Variants in MYO1G observed in about 807,000 individuals in gnomAD.
The protein encoded by MYO1G is unconventional myosin-Ig.
A neutral mutation model predicts 115.3 loss-of-function variants in MYO1G; 65 were observed. That is an observed-to-expected ratio of 0.56 (90% CI 0.46 to 0.69). The LOEUF is 0.69. Ranked by LOEUF, MYO1G falls within the 30% of genes least tolerant of loss-of-function variation. The probability of loss-of-function intolerance (pLI) is 0.00; values close to 1 mark genes in which losing one functional copy is unlikely to be tolerated. For synonymous variants in MYO1G, 510 were observed against 552.6 expected, an observed-to-expected ratio of 0.92 and a Z score of 1.08; for missense variants, 1,204 against 1,393.5, an observed-to-expected ratio of 0.86 and a Z score of 2.16.
chr7:44,965,797 G>A lies in MYO1G; in HGVS notation c.2221C>T (p.Arg741Cys), dbSNP rs767004739. ...RRLRAIYTIM[R>C]WFRRHKVRAH... Reference sequence around the variant, plus strand: ...CGCACCTTGTGTCTCCGGAACCAGCGCATGATGGTGTAGATAGCCCTCAGC... The same window carrying A: ...CGCACCTTGTGTCTCCGGAACCAGCACATGATGGTGTAGATAGCCCTCAGC... The change falls in exon 17 of 22, where the codon CGC becomes TGC. Residue 741 changes from arginine to cysteine, a missense_variant. By Grantham distance (180) the Arg-to-Cys change is radical. Transcript: ENST00000258787. 16 of 1,604,352 alleles carry A rather than the reference G, an allele frequency of 1.0e-5. No individual in the cohort carries two copies. The highest frequency in any genetic ancestry group is 8.3e-5 in the Admixed American group (5 of 60,024).
chr7:44,965,834 C>G lies in MYO1G; in HGVS notation c.2184G>C (p.Trp728Cys). 6.3e-7 allele frequency: 1 copy of G among 1,599,138 alleles called. No homozygotes were observed. Among genetic ancestry groups the G allele is most frequent in the Non-Finnish European group, 8.5e-7 (1 of 1,179,752 alleles). The change falls in exon 17 of 22, where the codon TGG becomes TGC. Residue 728 changes from tryptophan (W) to cysteine (C), a missense_variant. Physicochemically the swap from Trp to Cys is radical, Grantham distance 215. Coordinates refer to ENST00000258787, the MANE Select transcript of MYO1G (RefSeq NM_033054.3). ...AGATAGCCCTCAGCCTCCGGCAGCGCCACCTCGCCAAGGTGCCCCGCCATG... is the reference window on the plus strand; with the variant it reads ...AGATAGCCCTCAGCCTCCGGCAGCGGCACCTCGCCAAGGTGCCCCGCCATG... ...QKAWRGTLARWRCRRLRAIYT... is the reference protein window; with the variant it reads ...QKAWRGTLARCRCRRLRAIYT...
rs764177255 is a variant in MYO1G, at chr7:44,964,835, A to G, written c.2526+110T>C. On this transcript the variant is annotated intron_variant, in intron 18 of 21. Coordinates refer to ENST00000258787, the MANE Select transcript of MYO1G (RefSeq NM_033054.3). This position sits in a 1 kb window ranked among gnomAD's most constrained non-coding sequence, Gnocchi z 5.1. Reference sequence around the variant, plus strand: ...AGGTACAGGGCCACCAGGACAGACAACCCCAGGCCTGGGAGAGGACATCTG... The same window carrying G: ...AGGTACAGGGCCACCAGGACAGACAGCCCCAGGCCTGGGAGAGGACATCTG... 3 of 1,463,636 alleles carry G rather than the reference A, an allele frequency of 2.0e-6. No homozygotes were observed. The highest frequency in any genetic ancestry group is 2.8e-6 in the Non-Finnish European group (3 of 1,085,070). The allele number at this position is 1,463,636 out of a possible 1,614,324, so 90.7% of individuals were successfully genotyped here.
chr7:44,970,808 C>G, intron 8 of MYO1G, 27 bp downstream of exon 8: 4 of 1,613,548 alleles, frequency 2.5e-6, no homozygotes, highest in Non-Finnish European at 3.4e-6. Context: ...TCCTGGGCTT[C>G]CCTCCCTGTG....
In MYO1G at chr7:44,964,237, A is replaced by G; in HGVS notation, c.2632-75T>C. ...AGGGCCCCAGGCTTCGGCAGTCCCT[A>G]CTGCCTCCCCTCCCCGCTGGCGACA... On this transcript the variant is annotated intron_variant, in intron 19 of 21. Transcript: ENST00000258787. The surrounding 1 kb of genome is among the most constrained non-coding windows in gnomAD (Gnocchi z 5.1). 1 of 1,391,748 alleles carries G rather than the reference A, an allele frequency of 7.2e-7. No individual in the cohort carries two copies. Among genetic ancestry groups the G allele is most frequent in the African/African-American group, 1.4e-5 (1 of 69,974 alleles). 86.2% of individuals were successfully genotyped at this position (1,391,748 alleles called of 1,614,324 possible). A position where few individuals can be genotyped will look rare whatever the true frequency, so the allele number is the denominator to read the frequency against.
chr7:44,972,534 C>T, intron 5 of MYO1G: 1 of 375,094 alleles, frequency 2.7e-6, no homozygotes, highest in South Asian at 2.3e-5. Flanking sequence ...AGGGGGATCC[C>T]ACCTCAGTGG....
At chr7:44,968,902 T>C (rs17569603) in intron 12 of MYO1G, 24,791 of 165,592 alleles carry the variant, frequency 0.15, 2,039 homozygotes, top group Admixed American at 0.22. Flanking sequence ...GAAACACTTA[T>C]ACCTTGATGT....
In MYO1G at chr7:44,971,190, T is replaced by C; in HGVS notation, c.847-131A>G. 3.8e-6 allele frequency: 3 copies of C among 783,432 alleles called. 1 individual carries two copies. In the South Asian group the frequency reaches 5.2e-5, roughly 14 times the overall value. The allele number at this position is 783,432 out of a possible 1,614,324, so 48.5% of individuals were successfully genotyped here. ...AGTACAGCTCCTTCTCAGACCAGCA[T>C]GGTCAGCTGCTCACCATGGGCACAG... On this transcript the variant is annotated intron_variant, in intron 7 of 21. Coordinates refer to ENST00000258787, the MANE Select transcript of MYO1G (RefSeq NM_033054.3).
rs750168687 is a variant in MYO1G at position 44,963,127 on chromosome 7, G to A, written c.2746-3C>T. ...CTGGTCACGCTCAGCCCCGTCACCTGAGCGGAGCGCGGGGTCAGAGTGCAG... is the reference window on the plus strand; with the variant it reads ...CTGGTCACGCTCAGCCCCGTCACCTAAGCGGAGCGCGGGGTCAGAGTGCAG... On this transcript the variant is annotated splice_region_variant and splice_polypyrimidine_tract_variant and intron_variant, in intron 20 of 21. Coordinates refer to ENST00000258787, the MANE Select transcript of MYO1G (RefSeq NM_033054.3). This position sits in a 1 kb window ranked among gnomAD's most constrained non-coding sequence, Gnocchi z 4.1. 1.2e-5 allele frequency: 18 copies of A among 1,460,236 alleles called. No homozygotes were observed. Among genetic ancestry groups the A allele is most frequent in the Non-Finnish European group, 1.4e-5 (16 of 1,111,022 alleles). 90.5% of individuals were successfully genotyped at this position (1,460,236 alleles called of 1,614,324 possible).
rs1450604220 is a variant in MYO1G at position 44,965,155 on chromosome 7, C to G, written c.2382-66G>C. On this transcript the variant is annotated intron_variant, in intron 17 of 21. Transcript: ENST00000258787. ...TTCATGTGCTCCCTGAGCCCCCTCT[C>G]CACAGAGGAAGCTGAGCCCTCAGCC... The G allele has an allele frequency of 3.2e-6, 5 of 1,548,818 alleles. No homozygotes were observed. In the African/African-American group the frequency reaches 5.4e-5, roughly 17 times the overall value.
In MYO1G at chr7:44,970,597, G is replaced by A. The variant is rs769171501; in HGVS notation, c.1212C>T (p.Val404=). 1.9e-6 allele frequency: 3 copies of A among 1,613,254 alleles called. No individual in the cohort carries two copies. The highest frequency in any genetic ancestry group is 1.6e-4 in the Middle Eastern group (1 of 6,062). ...LDIYGFEVFP[V]NSFEQFCINY... ...GTGGCTGGCCAGCCACCCACCTGTT[G>A]ACGGGAAACACCTCGAAGCCATAGA... The change falls in exon 9 of 22, where the codon GTC becomes GTT. Residue 404 remains valine, a synonymous_variant. Transcript: ENST00000258787.
In MYO1G at chr7:44,966,705, G is replaced by A; in HGVS notation, c.1916C>T (p.Ala639Val). 6.2e-7 allele frequency: 1 copy of A among 1,613,212 alleles called. No individual in the cohort carries two copies. The change falls in exon 15 of 22, where the codon GCT (alanine) becomes GTT (valine). Residue 639 changes from alanine (A) to valine (V), a missense_variant. Coordinates refer to ENST00000258787, the MANE Select transcript of MYO1G (RefSeq NM_033054.3). The surrounding 1 kb of genome is among the most constrained non-coding windows in gnomAD (Gnocchi z 5.0). The stretch of plus-strand genomic sequence containing the variant: ...GAATCGAGAGTAGGGCTGGCGGGAA[G>A]CGAAGCCAGCCCTGCGGACCCTCAC... ...ENVRVRRAGF[A>V]SRQPYSRFLL...
intron 1 of MYO1G, among the ~76,000 whole-genome samples, chr7:44,977,721 C>T (rs571659737): frequency 1.3e-5 from 2 of 151,782 alleles, no homozygotes; most frequent in Admixed American, 1.3e-4. Flanking sequence ...CTTCTCTTGA[C>T]CTTTCTGCCC....
Position 44,966,632 on chromosome 7 carries a change from G to T in MYO1G, c.1949+40C>A. The T allele has an allele frequency of 1.2e-6, 2 of 1,611,412 alleles. No homozygotes were observed. Among genetic ancestry groups the T allele is most frequent in the Non-Finnish European group, 1.7e-6 (2 of 1,178,948 alleles). ...TCCTACCCCTTGGACTCCACACAGG[G>T]ACTATGGCCCATGGAGTGATGGGTG... On this transcript the variant is annotated intron_variant, in intron 15 of 21. Transcript: ENST00000258787. The surrounding 1 kb of genome is among the most constrained non-coding windows in gnomAD (Gnocchi z 5.0).
intron 3 of MYO1G, 70 bp from the exon 4 acceptor site, chr7:44,975,719 A>C: frequency 6.9e-7 from 1 of 1,443,656 alleles, no homozygotes; most frequent in Non-Finnish European, 9.2e-7. Flanking sequence ...TCTGCCCCTG[A>C]GTCTTCCCAA....
chr7:44,976,230 G>A (rs1345644622), intron 3 of MYO1G, among the ~76,000 whole-genome samples: 1 of 152,194 alleles, frequency 6.6e-6, no homozygotes, highest in Non-Finnish European at 1.5e-5. Flanking sequence ...GGTTTCCATG[G>A]AATCTGCCTG....
rs1207675305 is a variant in MYO1G, at chr7:44,964,004, G to T, written c.2745+45C>A. 7.0e-7 allele frequency: 1 copy of T among 1,438,214 alleles called. No homozygotes were observed. The highest frequency in any genetic ancestry group is 2.5e-5 in the East Asian group (1 of 40,356). 89.1% of individuals were successfully genotyped at this position (1,438,214 alleles called of 1,614,324 possible). ...GCAGGACTCTGAGCAGCCCAGCAGT[G>T]CCCCTCACAGATGCTGCACCCTACT... On this transcript the variant is annotated intron_variant, in intron 20 of 21. Transcript: ENST00000258787. The surrounding 1 kb of genome is among the most constrained non-coding windows in gnomAD (Gnocchi z 5.1).
rs574057395 is a variant in MYO1G at position 44,966,321 on chromosome 7, G to A, written c.1950-41C>T. 7.8e-6 allele frequency: 12 copies of A among 1,535,234 alleles called. No individual in the cohort carries two copies. In the Admixed American group the frequency reaches 1.3e-4, roughly 17 times the overall value. On this transcript the variant is annotated intron_variant, in intron 15 of 21. Coordinates refer to ENST00000258787, the MANE Select transcript of MYO1G (RefSeq NM_033054.3). This position sits in a 1 kb window ranked among gnomAD's most constrained non-coding sequence, Gnocchi z 5.0. Reference sequence around the variant, plus strand: ...AGGGCAGTGTGGCCCAGGCCTGGGGGAGAGATGATGGAGCCCACCCTGCCC... The same window carrying A: ...AGGGCAGTGTGGCCCAGGCCTGGGGAAGAGATGATGGAGCCCACCCTGCCC...
intron 16 of MYO1G, 58 bp from the exon 17 acceptor site, chr7:44,965,918 A>C (rs971829521): frequency 6.4e-7 from 1 of 1,570,324 alleles, no homozygotes; most frequent in African/African-American, 1.3e-5. Flanking sequence ...CCTAACCCTT[A>C]GACCCAAACC....
At position 44,976,854 on chromosome 7, in the gene MYO1G, G is replaced by T. The variant is rs1795058733; in HGVS notation, c.304+9C>A. On this transcript the variant is annotated intron_variant, in intron 2 of 21. Coordinates refer to ENST00000258787, the MANE Select transcript of MYO1G (RefSeq NM_033054.3). ...CCGAGGGTGGGGGCCCGGCGGCAGG[G>T]ACAGGTACCTGAGATGACGATGCAG... 1.2e-6 allele frequency: 2 copies of T among 1,613,006 alleles called. No homozygotes were observed. Among genetic ancestry groups the T allele is most frequent in the East Asian group, 2.2e-5 (1 of 44,874 alleles).
Sources: allele counts gnomAD v4.1 joint callset (sites outside exome capture counted in the v4.1 genomes callset), GRCh38; gene constraint gnomAD v4.1.1; non-coding constraint Gnocchi (gnomAD v3.1); transcripts MANE v1.5; gene names NCBI Gene and HGNC (gene_info 2026-07-23, HGNC 2026-07-21).